SOX6: variants seen among roughly 807,000 people sequenced by gnomAD.
SOX6 encodes SRY-box transcription factor 6.
Under a neutral mutation model 97.8 loss-of-function variants are expected in SOX6, and 11 were observed. That is an observed-to-expected ratio of 0.11 (90% CI 0.07 to 0.19). The LOEUF (loss-of-function observed/expected upper bound fraction) is 0.19, where lower values mean the gene tolerates loss of function less well. Ranked by LOEUF, SOX6 falls within the 10% of genes least tolerant of loss-of-function variation. SOX6 has a pLI of 1.00. For missense variants in SOX6, 810 were observed against 1,039.5 expected (o/e 0.78, Z 3.04); for synonymous variants, 360 against 371.4 (o/e 0.97, Z 0.35).
chr11:16,069,777 C>A (rs2068181592), intron 9 of SOX6, among the ~76,000 whole-genome samples: 1 of 152,138 alleles, frequency 6.6e-6, no homozygotes, highest in Non-Finnish European at 1.5e-5. Context: ...AAAAATGGAA[C>A]AAGCATTGAC....
chr11:16,024,862 C>T (rs1362721334), intron 12 of SOX6, among the ~76,000 whole-genome samples: 1 of 151,996 alleles, frequency 6.6e-6, no homozygotes, highest in East Asian at 1.9e-4. Context: ...TGACAAGTTT[C>T]CCTCAGGATT....
intron 2 of SOX6, among the ~76,000 whole-genome samples, chr11:16,335,046 G>C (rs1856416272): frequency 6.6e-6 from 1 of 152,154 alleles, no homozygotes; most frequent in African/African-American, 2.4e-5. Flanking sequence ...CCCACAGCAA[G>C]AGCTTTGCCA....
At chr11:16,526,472 G>A (rs1271108298) in intron 4 of SOX6, among the ~76,000 whole-genome samples, 1 of 151,742 alleles carries the variant, frequency 6.6e-6, no homozygotes, top group Admixed American at 6.6e-5. Flanking sequence ...ATCACACTCC[G>A]GGGCCTGTTG....
chr11:16,472,271 G>A (rs568109014), intron 1 of SOX6, among the ~76,000 whole-genome samples: 51 of 152,204 alleles, frequency 3.4e-4, no homozygotes, highest in Middle Eastern at 3.4e-3. Context: ...TTACTAAAGC[G>A]AATGACTAAA....
At chr11:16,612,942 T>C (rs1187173334) in intron 3 of SOX6, among the ~76,000 whole-genome samples, 1 of 152,104 alleles carries the variant, frequency 6.6e-6, no homozygotes, top group Non-Finnish European at 1.5e-5. Flanking sequence ...ATCTACTTCT[T>C]CCATCTGCCT....
intron 1 of SOX6, chr11:16,402,852 G>T: frequency 6.5e-7 from 1 of 1,542,160 alleles, no homozygotes; most frequent in East Asian, 2.5e-5. Flanking sequence ...ATCCCCAATG[G>T]TCTCTCCTAA....
chr11:16,021,424 A>G (rs1198281989), intron 12 of SOX6, among the ~76,000 whole-genome samples: 1 of 152,190 alleles, frequency 6.6e-6, no homozygotes, highest in Admixed American at 6.6e-5. Flanking sequence ...TCACTTTGTT[A>G]TACTTTATTT....
intron 4 of SOX6, among the ~76,000 whole-genome samples, chr11:16,232,009 GTA>G (rs1852867469): frequency 1.3e-5 from 2 of 151,312 alleles, no homozygotes; most frequent in Admixed American, 1.3e-4. Context: ...TTGTTTTTTT[GTA>G]TGTTTCTTAC....
At chr11:16,414,762 A>C (rs1255001473) in intron 1 of SOX6, among the ~76,000 whole-genome samples, 2 of 152,150 alleles carry the variant, frequency 1.3e-5, no homozygotes, top group African/African-American at 4.8e-5. Flanking sequence ...CTACAAGTAA[A>C]TATGTTTAAC....
At chr11:16,309,550 A>T (rs1190441792) in intron 3 of SOX6, among the ~76,000 whole-genome samples, 1 of 152,188 alleles carries the variant, frequency 6.6e-6, no homozygotes, top group Non-Finnish European at 1.5e-5. Flanking sequence ...AATGTAGATA[A>T]AAAAACAAAG....
intron 3 of SOX6, among the ~76,000 whole-genome samples, chr11:16,627,091 G>A (rs1404733994): frequency 6.6e-6 from 1 of 152,150 alleles, no homozygotes; most frequent in Non-Finnish European, 1.5e-5. Context: ...TTCTATTCCT[G>A]TGTTAATTCG....
intron 1 of SOX6, among the ~76,000 whole-genome samples, chr11:16,371,571 C>A (rs780063338): frequency 2.0e-5 from 3 of 152,066 alleles, no homozygotes; most frequent in Non-Finnish European, 2.9e-5. Flanking sequence ...CAATCCCCAG[C>A]TGGTGCCTAG....
chr11:16,477,244 T>C (rs999699985), upstream of SOX6, among the ~76,000 whole-genome samples: 1 of 152,152 alleles, frequency 6.6e-6, no homozygotes, highest in African/African-American at 2.4e-5. Flanking sequence ...GGTCAGAAAC[T>C]TTCCTAGGCT....
intron 2 of SOX6, among the ~76,000 whole-genome samples, chr11:16,733,155 G>A (rs145936054): frequency 1.3e-5 from 2 of 152,360 alleles, no homozygotes; most frequent in African/African-American, 4.8e-5. Context: ...CAACCATTGT[G>A]GAAGACAGTG....
At chr11:16,020,172 A>G (rs1197009436) in intron 12 of SOX6, among the ~76,000 whole-genome samples, 1 of 151,886 alleles carries the variant, frequency 6.6e-6, no homozygotes, top group African/African-American at 2.4e-5. Context: ...GATTTGTCTC[A>G]CTGCTTTTCT....
intron 1 of SOX6, among the ~76,000 whole-genome samples, chr11:16,440,358 G>A (rs1859480117): frequency 1.3e-5 from 2 of 152,182 alleles, no homozygotes; most frequent in South Asian, 4.1e-4. Flanking sequence ...GTCCCTTGGA[G>A]AATTATATTA....
intron 6 of SOX6, among the ~76,000 whole-genome samples, chr11:16,156,474 C>T (rs980701397): frequency 1.3e-5 from 2 of 151,970 alleles, no homozygotes; most frequent in African/African-American, 2.4e-5. Flanking sequence ...CTAACCCAGA[C>T]TCCATTTCCA....
chr11:16,560,325 T>C (rs1027249657), intron 4 of SOX6, among the ~76,000 whole-genome samples: 1 of 152,142 alleles, frequency 6.6e-6, no homozygotes, highest in Non-Finnish European at 1.5e-5. Context: ...GCTTCACGTG[T>C]AATTGACAGT....
intron 3 of SOX6, among the ~76,000 whole-genome samples, chr11:16,710,671 G>A (rs1848171913): frequency 6.6e-6 from 1 of 152,102 alleles, no homozygotes; most frequent in South Asian, 2.1e-4. Flanking sequence ...TCAGGCCAGA[G>A]CCATCTGAAA....
Sources: allele counts gnomAD v4.1 joint callset (sites outside exome capture counted in the v4.1 genomes callset), GRCh38; gene constraint gnomAD v4.1.1; transcripts MANE v1.5; gene names NCBI Gene and HGNC (gene_info 2026-07-23, HGNC 2026-07-21).